PTGER3: variants seen among roughly 807,000 people sequenced by gnomAD.
PTGER3 encodes prostaglandin E receptor 3.
In PTGER3, 22 loss-of-function variants were observed where a neutral mutation model predicts 34.7. The ratio of observed to expected loss-of-function variants is 0.63; its 90% CI spans 0.45 to 0.91. PTGER3 has a LOEUF of 0.91. PTGER3 is among the 40% of genes least tolerant of loss of function. PTGER3 has a pLI of 0.00. For synonymous variants in PTGER3, 241 were observed against 230.1 expected, an observed-to-expected ratio of 1.05 and a Z score of -0.43; for missense variants, 468 against 519.4, an observed-to-expected ratio of 0.90 and a Z score of 0.96.
intron 2 of PTGER3, among the ~76,000 whole-genome samples, chr1:70,959,347 C>T (rs1651684910): frequency 1.8e-5 from 2 of 114,274 alleles, no homozygotes; most frequent in African/African-American, 6.9e-5. Flanking sequence ...TTTGTGTCCT[C>T]TTCAATTTTT....
chr1:70,856,445 A>G (rs1290077620), intron 4 of PTGER3, among the ~76,000 whole-genome samples: 2 of 151,134 alleles, frequency 1.3e-5, no homozygotes, highest in East Asian at 3.9e-4. Flanking sequence ...CATCTCAAAA[A>G]AAAAAAAAAA....
At chr1:70,929,340 C>G (rs1648472652) in intron 4 of PTGER3, among the ~76,000 whole-genome samples, 1 of 152,088 alleles carries the variant, frequency 6.6e-6, no homozygotes, top group Non-Finnish European at 1.5e-5. Flanking sequence ...AATCTTGTGG[C>G]TAGCTTTTGC....
intron 4 of PTGER3, among the ~76,000 whole-genome samples, chr1:70,914,439 T>C (rs1378957591): frequency 6.6e-6 from 1 of 151,880 alleles, no homozygotes; most frequent in East Asian, 1.9e-4. Context: ...AATGACATCA[T>C]CATAACTATT....
At chr1:70,974,908 A>G (rs1239274520) in intron 2 of PTGER3, among the ~76,000 whole-genome samples, 2 of 152,098 alleles carry the variant, frequency 1.3e-5, no homozygotes, top group African/African-American at 4.8e-5. Context: ...TTCATACCTC[A>G]GGGCCTTTGT....
intron 2 of PTGER3, among the ~76,000 whole-genome samples, chr1:70,965,379 G>A (rs1652409583): frequency 6.6e-6 from 1 of 152,156 alleles, no homozygotes; most frequent in Non-Finnish European, 1.5e-5. Context: ...TGTTACTGAA[G>A]CAATGCAGAT....
At chr1:70,942,118 T>C (rs2100547692) in intron 4 of PTGER3, among the ~76,000 whole-genome samples, 2 of 152,230 alleles carry the variant, frequency 1.3e-5, no homozygotes, top group Admixed American at 1.3e-4. Context: ...TGAATAGTTC[T>C]CAGCAATGGC....
chr1:70,927,917 T>C (rs1648272005), intron 4 of PTGER3, among the ~76,000 whole-genome samples: 1 of 152,100 alleles, frequency 6.6e-6, no homozygotes, highest in African/African-American at 2.4e-5. Context: ...ATTTACCCTA[T>C]ACACTGATCT....
intron 4 of PTGER3, among the ~76,000 whole-genome samples, chr1:70,905,463 G>A (rs78816052): frequency 9.2e-5 from 14 of 152,186 alleles, no homozygotes; most frequent in Middle Eastern, 3.4e-3. Flanking sequence ...GTACCCTGCA[G>A]ATCCACAGGG....
At chr1:70,875,245 T>A (rs1305577591) in intron 4 of PTGER3, among the ~76,000 whole-genome samples, 2 of 152,192 alleles carry the variant, frequency 1.3e-5, no homozygotes, top group East Asian at 3.9e-4. Context: ...CTGGTTAAGA[T>A]CTGAAGGGTG....
intron 1 of PTGER3, among the ~76,000 whole-genome samples, chr1:71,024,400 T>C (rs1055627219): frequency 7.2e-5 from 11 of 152,188 alleles, no homozygotes; most frequent in African/African-American, 2.7e-4. Context: ...ACATTTTATC[T>C]TGCTGCTTGT....
intron 4 of PTGER3, among the ~76,000 whole-genome samples, chr1:70,923,513 T>C (rs1360838197): frequency 6.6e-6 from 1 of 152,188 alleles, no homozygotes; most frequent in East Asian, 1.9e-4. Flanking sequence ...TTCTGATAAC[T>C]TTGGAGATTA....
At chr1:70,880,737 T>C (rs1287432078) in intron 4 of PTGER3, among the ~76,000 whole-genome samples, 2 of 151,558 alleles carry the variant, frequency 1.3e-5, no homozygotes, top group African/African-American at 4.8e-5. Context: ...GGCCCCTAAG[T>C]CTCTTCTGGC....
intron 4 of PTGER3, among the ~76,000 whole-genome samples, chr1:70,889,358 T>G (rs971516335): frequency 2.2e-5 from 3 of 137,336 alleles, no homozygotes; most frequent in African/African-American, 8.4e-5. Flanking sequence ...GAGCTTGCAG[T>G]GAGCCGAGAT....
At chr1:70,903,822 C>T (rs1425191868) in intron 4 of PTGER3, among the ~76,000 whole-genome samples, 2 of 152,190 alleles carry the variant, frequency 1.3e-5, no homozygotes, top group East Asian at 1.9e-4. Context: ...CAGCTACTTA[C>T]TCTTGTAATA....
chr1:70,869,602 G>A (rs563883827), intron 4 of PTGER3, among the ~76,000 whole-genome samples: 56 of 152,300 alleles, frequency 3.7e-4, no homozygotes, highest in African/African-American at 1.3e-3. Context: ...TACAATGTGA[G>A]TACAAGCATT....
intron 4 of PTGER3, among the ~76,000 whole-genome samples, chr1:70,888,819 A>G (rs933159320): frequency 3.9e-5 from 6 of 151,980 alleles, no homozygotes; most frequent in African/African-American, 1.5e-4. Context: ...TTAGCCATAG[A>G]TTTGTGCAAA....
Position 71,042,037 on chromosome 1 carries a change from T to C in PTGER3, c.897+4644A>G, listed in dbSNP as rs183552243. On this transcript the variant is annotated intron_variant, in intron 1 of 3. Transcript: ENST00000306666. ...AACTTTTATAATTTAGTTGTTGACCTTCACAGCTTGTTCAAAAGAGAAGGG... is the reference window on the plus strand; with the variant it reads ...AACTTTTATAATTTAGTTGTTGACCCTCACAGCTTGTTCAAAAGAGAAGGG... Among the ~76,000 whole-genome samples, 76 of 152,200 alleles carry C rather than the reference T, an allele frequency of 5.0e-4. 1 individual carries two copies. Among genetic ancestry groups the C allele is most frequent in the African/African-American group, 1.6e-3 (66 of 41,510 alleles).
At chr1:70,964,591 C>A (rs1300510276) in intron 2 of PTGER3, among the ~76,000 whole-genome samples, 2 of 152,124 alleles carry the variant, frequency 1.3e-5, no homozygotes, top group African/African-American at 2.4e-5. Context: ...CAGGAAAGAC[C>A]CGCCCCATGA....
chr1:70,995,635 GAT>G (rs911448026), intron 2 of PTGER3, among the ~76,000 whole-genome samples: 13 of 151,930 alleles, frequency 8.6e-5, no homozygotes, highest in African/African-American at 1.2e-4. Flanking sequence ...ATGATGTTTT[GAT>G]ATATGTCTTA....
Sources: gnomAD v4.1 joint callset for allele counts (sites outside exome capture counted in the v4.1 genomes callset) on GRCh38, gnomAD v4.1.1 for gene constraint, MANE v1.5 for transcripts, NCBI Gene and HGNC (gene_info 2026-07-23, HGNC 2026-07-21) for gene names.